CHD1L: variants seen among roughly 807,000 people sequenced by gnomAD.
CHD1L encodes the protein chromodomain helicase DNA binding protein 1 like, also known as ATP-dependent chromatin remodeler CHD1L.
Under a neutral mutation model 115.9 loss-of-function variants are expected in CHD1L, and 118 were observed. The observed-to-expected ratio is 1.02, with a 90% CI of 0.88 to 1.19. The LOEUF is 1.19. Among genes scored for constraint, CHD1L ranks in the 50% most tolerant of loss-of-function variants. The pLI, the probability that CHD1L is intolerant of heterozygous loss-of-function variation, is 0.00. For missense variants in CHD1L, 1,179 were observed against 1,065.3 expected, an observed-to-expected ratio of 1.11 and a Z score of -1.49; for synonymous variants, 411 against 387.1, an observed-to-expected ratio of 1.06 and a Z score of -0.72.
At chr1:147,274,795 C>CA (rs1399440371) in intron 12 of CHD1L, among the ~76,000 whole-genome samples, 2 of 152,068 alleles carry the variant, frequency 1.3e-5, no homozygotes, top group African/African-American at 4.8e-5. Context: ...GAAACCAGTA[C>CA]AAAAAAGACT....
chr1:147,228,009 C>CTTTT, the CHD1L span, among the ~76,000 whole-genome samples: 898 of 148,502 alleles, frequency 6.0e-3, 12 homozygotes, highest in East Asian at 0.015. Context: ...ATGGAGGCCA[C>CTTTT]TTTTTTTTTT....
At chr1:147,174,179 A>T in the CHD1L span, among the ~76,000 whole-genome samples, 1 of 152,096 alleles carries the variant, frequency 6.6e-6, no homozygotes, top group Non-Finnish European at 1.5e-5. Flanking sequence ...GGAAGAAAAA[A>T]AAAAGGTACG....
At chr1:147,260,689 C>T (rs1287094607) in intron 6 of CHD1L, 2 of 152,172 alleles carry the variant, frequency 1.3e-5, no homozygotes, top group African/African-American at 4.8e-5. Flanking sequence ...TGATAGTTCA[C>T]CTGGGTTCAT....
the CHD1L span, chr1:147,210,080 C>G: frequency 1.3e-5 from 2 of 152,156 alleles, no homozygotes; most frequent in African/African-American, 4.8e-5. Flanking sequence ...ATTACAACAA[C>G]CTCTTGAGGA....
upstream of CHD1L, among the ~76,000 whole-genome samples, chr1:147,238,163 A>T (rs1559698185): frequency 6.6e-6 from 1 of 152,222 alleles, no homozygotes; most frequent in South Asian, 2.1e-4. Context: ...GCAAGAAAGA[A>T]AACCCAAGTT....
At chr1:147,255,636 C>G (rs1363642798) in intron 3 of CHD1L, among the ~76,000 whole-genome samples, 177 bp from the exon 4 acceptor site, 1 of 152,162 alleles carries the variant, frequency 6.6e-6, no homozygotes. Context: ...CACATAGGAA[C>G]TCGCTCTGAG....
chr1:147,281,032 C>G (rs587643533), intron 15 of CHD1L, among the ~76,000 whole-genome samples: 6 of 152,232 alleles, frequency 3.9e-5, no homozygotes, highest in African/African-American at 1.4e-4. Context: ...TTGTAGTTCT[C>G]TTTTGTTTCT....
At chr1:147,212,604 G>T in the CHD1L span, 22 of 1,431,166 alleles carry the variant, frequency 1.5e-5, no homozygotes, top group African/African-American at 1.2e-4. Context: ...CAAGTCATTT[G>T]TTTTTTTTGC....
intron 14 of CHD1L, among the ~76,000 whole-genome samples, chr1:147,277,783 C>T (rs1679097923): frequency 6.6e-6 from 1 of 152,104 alleles, no homozygotes; most frequent in South Asian, 2.1e-4. Flanking sequence ...ATCCATAGAA[C>T]CTTAAGAGAG....
chr1:147,189,607 G>A, the CHD1L span, among the ~76,000 whole-genome samples: 1 of 152,108 alleles, frequency 6.6e-6, no homozygotes, highest in Non-Finnish European at 1.5e-5. Context: ...CAGCGATTGA[G>A]CTTAAGTTCT....
rs782341713 is a variant in CHD1L, at chr1:147,242,735, G to A, written c.32G>A (p.Gly11Asp). The change falls in exon 1 of 23, where the codon GGC becomes GAC. Residue 11 changes from glycine (G) to aspartate (D), a missense_variant. By Grantham distance (94) the Gly-to-Asp change is moderately conservative. Transcript: ENST00000369258. ...CGCGCGGGCGCTACTAGCCGCGGGGGCCAAGCCCCTGGCTTCTTACTGCGG... is the reference window on the plus strand; with the variant it reads ...CGCGCGGGCGCTACTAGCCGCGGGGACCAAGCCCCTGGCTTCTTACTGCGG... MERAGATSRGGQAPGFLLRLH... is the reference protein window; with the variant it reads MERAGATSRGDQAPGFLLRLH... 1.6e-6 allele frequency: 2 copies of A among 1,260,170 alleles called. No homozygotes were observed. Among genetic ancestry groups the A allele is most frequent in the Non-Finnish European group, 2.0e-6 (2 of 997,090 alleles). 78.1% of individuals were successfully genotyped at this position (1,260,170 alleles called of 1,614,324 possible).
the CHD1L span, among the ~76,000 whole-genome samples, chr1:147,235,865 T>C: frequency 6.6e-6 from 1 of 152,182 alleles, no homozygotes; most frequent in Admixed American, 6.5e-5. Context: ...GGTGTTGCTT[T>C]GTGAGACAGA....
chr1:147,290,902 C>T (rs6657932), intron 19 of CHD1L, among the ~76,000 whole-genome samples: 1 of 152,294 alleles, frequency 6.6e-6, no homozygotes, highest in East Asian at 1.9e-4. Flanking sequence ...ATCCTCCCAC[C>T]TCAGCCTCCC....
chr1:147,240,994 C>CTT (rs1459906207), upstream of CHD1L, among the ~76,000 whole-genome samples: 22 of 151,718 alleles, frequency 1.5e-4, no homozygotes, highest in Admixed American at 5.9e-4. Context: ...CTCTGTGTCT[C>CTT]TTTTTTTTCT....
the CHD1L span, among the ~76,000 whole-genome samples, chr1:147,198,494 C>T: frequency 2.6e-5 from 4 of 152,094 alleles, no homozygotes; most frequent in Admixed American, 6.5e-5. Context: ...GTGTTTGCTG[C>T]TTAGTGGGTA....
At chr1:147,222,324 C>T in the CHD1L span, among the ~76,000 whole-genome samples, 7 of 152,188 alleles carry the variant, frequency 4.6e-5, no homozygotes, top group East Asian at 1.9e-4. Context: ...GCTGAGATCA[C>T]GCCACTATAC....
intron 3 of CHD1L, among the ~76,000 whole-genome samples, chr1:147,255,235 T>G (rs1669703219): frequency 6.6e-6 from 1 of 152,156 alleles, no homozygotes; most frequent in African/African-American, 2.4e-5. Flanking sequence ...GTTTTTTGTT[T>G]GTTTGTTTTG....
chr1:147,231,798 G>A, the CHD1L span, among the ~76,000 whole-genome samples: 1 of 152,110 alleles, frequency 6.6e-6, no homozygotes, highest in Admixed American at 6.5e-5. Flanking sequence ...TATTAGGGTG[G>A]GAGTGACCCA....
chr1:147,193,583 T>C, the CHD1L span, among the ~76,000 whole-genome samples: 1 of 152,184 alleles, frequency 6.6e-6, no homozygotes. Flanking sequence ...TTTCTAGTTC[T>C]TTTAATTGTG....
Sources: allele counts gnomAD v4.1 joint callset (sites outside exome capture counted in the v4.1 genomes callset), GRCh38; gene constraint gnomAD v4.1.1; transcripts MANE v1.5; gene names NCBI Gene and HGNC (gene_info 2026-07-23, HGNC 2026-07-21).